Variants in RBMS3 observed in about 807,000 individuals in gnomAD.
RBMS3 encodes RNA binding motif single stranded interacting protein 3.
In RBMS3, 27 loss-of-function variants were observed where a neutral mutation model predicts 66.8. The observed-to-expected ratio is 0.40, with a 90% CI of 0.30 to 0.56. The LOEUF is 0.56. Ranked by LOEUF, RBMS3 falls within the 20% of genes least tolerant of loss-of-function variation. The probability of loss-of-function intolerance (pLI) is 0.40; values close to 1 mark genes in which losing one functional copy is unlikely to be tolerated. For missense variants in RBMS3, 513 were observed against 549.5 expected (o/e 0.93, Z 0.66); for synonymous variants, 188 against 183.0 (o/e 1.03, Z -0.22).
chr3:29,315,222 G>A (rs1422539128), intron 1 of RBMS3, among the ~76,000 whole-genome samples: 1 of 151,530 alleles, frequency 6.6e-6, no homozygotes, highest in Non-Finnish European at 1.5e-5. Flanking sequence ...TACATTCAGA[G>A]ATGTTTGTCG....
rs139269199 is a variant in RBMS3 at position 29,587,751 on chromosome 3, G to A, written c.399+546G>A. ...AGTTTAACTGAAGTGTACCGTGTCTGTACTGCTAGAATTTCACTTTGGCCT... is the reference window on the plus strand; with the variant it reads ...AGTTTAACTGAAGTGTACCGTGTCTATACTGCTAGAATTTCACTTTGGCCT... On this transcript the variant is annotated intron_variant, in intron 4 of 14. Transcript: ENST00000383767. 8.1e-3 allele frequency among the ~76,000 whole-genome samples: 1,230 copies of A among 151,960 alleles called. 20 individuals are homozygous for A. Among genetic ancestry groups the A allele is most frequent in the African/African-American group, 0.028 (1,175 of 41,480 alleles).
chr3:29,315,025 A>G (rs1377641406), intron 1 of RBMS3, among the ~76,000 whole-genome samples: 1 of 151,794 alleles, frequency 6.6e-6, no homozygotes, highest in Non-Finnish European at 1.5e-5. Context: ...TGAAGCTTTT[A>G]TGCCTAGGAG....
chr3:29,990,437 C>T (rs546481664), intron 13 of RBMS3, among the ~76,000 whole-genome samples: 2 of 138,672 alleles, frequency 1.4e-5, no homozygotes, highest in East Asian at 4.3e-4. Flanking sequence ...CGGAAATCCA[C>T]TCTTGCCAGC....
intron 2 of RBMS3, among the ~76,000 whole-genome samples, chr3:29,484,869 T>C (rs947141040): frequency 5.3e-5 from 8 of 152,180 alleles, no homozygotes; most frequent in Non-Finnish European, 1.0e-4. Context: ...TGTGATACCT[T>C]TTTCTAGTCT....
chr3:29,612,378 A>G (rs1479954422), intron 4 of RBMS3, among the ~76,000 whole-genome samples: 1 of 152,050 alleles, frequency 6.6e-6, no homozygotes, highest in East Asian at 1.9e-4. Flanking sequence ...TAGTTTATAG[A>G]TATGTCATAA....
At chr3:29,355,518 C>T (rs2125567397) in intron 1 of RBMS3, among the ~76,000 whole-genome samples, 1 of 150,744 alleles carries the variant, frequency 6.6e-6, no homozygotes, top group South Asian at 2.1e-4. Context: ...TATTTTTTAA[C>T]CAAACGAGGT....
chr3:29,628,298 G>T (rs1409625345), intron 4 of RBMS3, among the ~76,000 whole-genome samples: 1 of 152,146 alleles, frequency 6.6e-6, no homozygotes, highest in Admixed American at 6.6e-5. Flanking sequence ...GACTGTCAAT[G>T]AAATTGAAAC....
At chr3:29,839,418 T>C (rs2058609118) in intron 6 of RBMS3, among the ~76,000 whole-genome samples, 1 of 152,120 alleles carries the variant, frequency 6.6e-6, no homozygotes, top group South Asian at 2.1e-4. Context: ...GTTGCAACTT[T>C]CCTTAAAAAA....
chr3:29,661,143 C>G (rs548630264), intron 4 of RBMS3, among the ~76,000 whole-genome samples: 18 of 152,100 alleles, frequency 1.2e-4, no homozygotes, highest in Non-Finnish European at 2.1e-4. Context: ...TGAAATTAAC[C>G]ACAATTTATC....
At chr3:29,905,133 T>TA (rs772521785) in intron 10 of RBMS3, among the ~76,000 whole-genome samples, 1 of 152,060 alleles carries the variant, frequency 6.6e-6, no homozygotes, top group Non-Finnish European at 1.5e-5. Context: ...GTGTCACACC[T>TA]ACTCAATTCT....
chr3:29,996,644 T>C (rs1340721021), intron 14 of RBMS3, among the ~76,000 whole-genome samples: 5 of 151,518 alleles, frequency 3.3e-5, no homozygotes, highest in Admixed American at 3.3e-4. Flanking sequence ...ACATGGAAAC[T>C]GAACAACCTG....
chr3:29,852,477 C>G (rs2058959552), intron 6 of RBMS3, among the ~76,000 whole-genome samples: 1 of 152,088 alleles, frequency 6.6e-6, no homozygotes, highest in African/African-American at 2.4e-5. Context: ...ACTAAAACAA[C>G]CCCATTAACA....
chr3:29,891,684 T>C (rs1188540408), intron 8 of RBMS3, among the ~76,000 whole-genome samples: 1 of 151,560 alleles, frequency 6.6e-6, no homozygotes, highest in East Asian at 1.9e-4. Flanking sequence ...GAATAAAATA[T>C]ATTCTTGGGG....
intron 1 of RBMS3, among the ~76,000 whole-genome samples, chr3:29,328,283 A>G (rs2035455665): frequency 6.6e-6 from 1 of 152,218 alleles, no homozygotes; most frequent in African/African-American, 2.4e-5. Context: ...GACTTTAAAT[A>G]CTGAAATGAA....
At chr3:29,819,514 C>T (rs1271074437) in intron 6 of RBMS3, among the ~76,000 whole-genome samples, 1 of 152,136 alleles carries the variant, frequency 6.6e-6, no homozygotes, top group African/African-American at 2.4e-5. Flanking sequence ...TGTATTTTAG[C>T]AAATTTTTAA....
chr3:29,958,198 AT>A (rs367742369), intron 12 of RBMS3, among the ~76,000 whole-genome samples: 1,715 of 152,052 alleles, frequency 0.011, 39 homozygotes, highest in African/African-American at 0.039. Flanking sequence ...GTTTTGTCCT[AT>A]TTTTTTCCTG....
intron 6 of RBMS3, among the ~76,000 whole-genome samples, chr3:29,776,389 C>T (rs760262464): frequency 1.3e-5 from 2 of 151,814 alleles, no homozygotes; most frequent in Non-Finnish European, 2.9e-5. Context: ...CTAATTGTTC[C>T]GCACCCATTA....
intron 6 of RBMS3, among the ~76,000 whole-genome samples, chr3:29,764,831 C>A (rs1003338711): frequency 6.6e-6 from 1 of 152,008 alleles, no homozygotes; most frequent in African/African-American, 2.4e-5. Context: ...TATCTAATAT[C>A]ATAGCTACAC....
chr3:29,794,458 C>A (rs368503803), intron 6 of RBMS3, among the ~76,000 whole-genome samples: 2 of 152,016 alleles, frequency 1.3e-5, no homozygotes, highest in Non-Finnish European at 2.9e-5. Flanking sequence ...TGGTGGCGGG[C>A]GCCTGTAGTC....
Sources: allele counts gnomAD v4.1 joint callset (sites outside exome capture counted in the v4.1 genomes callset), GRCh38; gene constraint gnomAD v4.1.1; transcripts MANE v1.5; gene names NCBI Gene and HGNC (gene_info 2026-07-23, HGNC 2026-07-21).